The following PRKN variants were observed in gnomAD, a reference collection of about 807,000 sequenced individuals.
The protein encoded by PRKN is parkin RBR E3 ubiquitin protein ligase.
In PRKN, 56 loss-of-function variants were observed where a neutral mutation model predicts 59.5. The ratio of observed to expected loss-of-function variants is 0.94; its 90% CI spans 0.76 to 1.18. The LOEUF is 1.18. Ranked by LOEUF, PRKN falls within the 50% of genes most tolerant of loss-of-function variation. The pLI, the probability that PRKN is intolerant of heterozygous loss-of-function variation, is 0.00. For missense variants in PRKN, 657 were observed against 596.4 expected (o/e 1.10, Z -1.06); for synonymous variants, 250 against 222.1 (o/e 1.13, Z -1.12).
chr6:161,833,290 C>G (rs1269473511), intron 6 of PRKN, among the ~76,000 whole-genome samples: 1 of 152,184 alleles, frequency 6.6e-6, no homozygotes, highest in African/African-American at 2.4e-5. Context: ...GACTTCTCGT[C>G]ACTGAAGTGC....
At chr6:162,041,299 C>T (rs763641359) in intron 5 of PRKN, among the ~76,000 whole-genome samples, 23 of 152,128 alleles carry the variant, frequency 1.5e-4, no homozygotes, top group Non-Finnish European at 2.5e-4. Context: ...CTCATGAGTT[C>T]GTCTCTTTAA....
intron 4 of PRKN, among the ~76,000 whole-genome samples, chr6:162,173,976 GCTGA>G (rs1783411828): frequency 6.6e-6 from 1 of 152,166 alleles, no homozygotes; most frequent in Non-Finnish European, 1.5e-5. Context: ...ATAGATCTGT[GCTGA>G]CATGTCAGTT....
intron 5 of PRKN, among the ~76,000 whole-genome samples, chr6:161,994,916 T>C (rs1359204046): frequency 7.0e-6 from 1 of 142,142 alleles, no homozygotes; most frequent in Non-Finnish European, 1.6e-5. Context: ...TCATTCTTCA[T>C]AGAAATAGAA....
chr6:162,391,673 A>G (rs766167760), intron 2 of PRKN, among the ~76,000 whole-genome samples: 6 of 152,120 alleles, frequency 3.9e-5, no homozygotes, highest in Non-Finnish European at 8.8e-5. Flanking sequence ...ATCTGCAATG[A>G]CTTCATCTTG....
At chr6:161,999,944 C>T (rs1224606093) in intron 5 of PRKN, among the ~76,000 whole-genome samples, 3 of 152,012 alleles carry the variant, frequency 2.0e-5, no homozygotes, top group Non-Finnish European at 4.4e-5. Context: ...TAACAAGATG[C>T]TTATATTAAT....
chr6:161,924,974 C>T (rs1421683943), intron 6 of PRKN, among the ~76,000 whole-genome samples: 1 of 152,174 alleles, frequency 6.6e-6, no homozygotes, highest in African/African-American at 2.4e-5. Context: ...GCCCAGAATT[C>T]ACCTGGCATC....
At chr6:161,837,076 G>A (rs1792787457) in intron 6 of PRKN, among the ~76,000 whole-genome samples, 1 of 152,182 alleles carries the variant, frequency 6.6e-6, no homozygotes, top group Admixed American at 6.5e-5. Context: ...AAAAGAGGCA[G>A]CATGGTGCTG....
rs550680677 is a variant in PRKN, at chr6:162,475,315, A to T, written c.8-31842T>A. The stretch of plus-strand genomic sequence containing the variant: ...TATAAGGACATCTAAGAATTATTCA[A>T]CGTCAAGTGTTGTGGGCCAAAAGCC... On this transcript the variant is annotated intron_variant, in intron 1 of 11. Coordinates refer to ENST00000366898, the MANE Select transcript of PRKN (RefSeq NM_004562.3). Among the ~76,000 whole-genome samples, 112 of 152,326 alleles carry T rather than the reference A, an allele frequency of 7.4e-4. 1 individual carries two copies. Among genetic ancestry groups the T allele is most frequent in the African/African-American group, 2.6e-3 (110 of 41,582 alleles).
At chr6:161,780,739 G>A (rs1790169202) in intron 7 of PRKN, among the ~76,000 whole-genome samples, 1 of 152,102 alleles carries the variant, frequency 6.6e-6, no homozygotes, top group South Asian at 2.1e-4. Flanking sequence ...TAGGCTCCGA[G>A]ACAGAAGCTA....
rs371115367 is a variant in PRKN at position 162,409,331 on chromosome 6, AT to A, written c.171+33978del. 7.6e-3 allele frequency among the ~76,000 whole-genome samples: 1,140 copies of A among 149,938 alleles called. 18 individuals carry two copies. The highest frequency in any genetic ancestry group is 0.026 in the East Asian group (129 of 5,046). On this transcript the variant is annotated intron_variant, in intron 2 of 11. Coordinates refer to ENST00000366898, the MANE Select transcript of PRKN (RefSeq NM_004562.3). Reference sequence around the variant, plus strand: ...AGGTGTGCTCTACCATGCCTGCCATATTTTTTTTTGAGAGGGGGTCTCACTA... The same window carrying A: ...AGGTGTGCTCTACCATGCCTGCCATATTTTTTTTGAGAGGGGGTCTCACTA...
chr6:161,914,327 C>G (rs966010550), intron 6 of PRKN, among the ~76,000 whole-genome samples: 18 of 151,954 alleles, frequency 1.2e-4, no homozygotes, highest in African/African-American at 4.1e-4. Context: ...TATTTGTGAC[C>G]TTTTATGAAA....
chr6:162,084,307 G>T (rs888020508), intron 4 of PRKN, among the ~76,000 whole-genome samples: 1 of 152,012 alleles, frequency 6.6e-6, no homozygotes, highest in Non-Finnish European at 1.5e-5. Flanking sequence ...TAACATTTGC[G>T]ACCTACATCC....
At chr6:162,299,767 C>A (rs1241017408) in intron 2 of PRKN, among the ~76,000 whole-genome samples, 2 of 152,018 alleles carry the variant, frequency 1.3e-5, no homozygotes, top group Admixed American at 1.3e-4. Context: ...ATTCTTCCTA[C>A]CTACCACACT....
rs886526385 is a variant in PRKN at position 161,376,886 on chromosome 6, G to A, written c.1167+9908C>T. 6.6e-6 allele frequency among the ~76,000 whole-genome samples: 1 copy of A among 152,232 alleles called. No individual in the cohort carries two copies. Among genetic ancestry groups the A allele is most frequent in the African/African-American group, 2.4e-5 (1 of 41,458 alleles). ...GAACCTATAACCTGTGGCACTTGGT[G>A]CCTGGATAGTCCTAGGAAGCAAACT... On this transcript the variant is annotated intron_variant, in intron 10 of 11. Coordinates refer to ENST00000366898, the MANE Select transcript of PRKN (RefSeq NM_004562.3). This position sits in a 1 kb window ranked among gnomAD's most constrained non-coding sequence, Gnocchi z 7.3.
intron 3 of PRKN, among the ~76,000 whole-genome samples, chr6:162,248,132 T>C (rs891817264): frequency 2.0e-5 from 3 of 152,162 alleles, no homozygotes; most frequent in Admixed American, 2.0e-4. Flanking sequence ...ACAGAAGAGC[T>C]ATGGAATGAG....
chr6:161,850,452 T>C (rs1054098727), intron 6 of PRKN, among the ~76,000 whole-genome samples: 3 of 151,792 alleles, frequency 2.0e-5, no homozygotes, highest in Non-Finnish European at 4.4e-5. Context: ...GTGGCGCGGC[T>C]GTAGTCCCGG....
At chr6:162,674,557 C>G (rs534827335) in intron 1 of PRKN, among the ~76,000 whole-genome samples, 57 of 152,266 alleles carry the variant, frequency 3.7e-4, no homozygotes, top group African/African-American at 1.3e-3. Context: ...TGGTTGAACA[C>G]TGTGTGATAG....
intron 1 of PRKN, among the ~76,000 whole-genome samples, chr6:162,636,868 G>A (rs1327585881): frequency 6.6e-6 from 1 of 152,044 alleles, no homozygotes. Flanking sequence ...GCCGAAGTGG[G>A]AGGGCTGCTT....
chr6:162,068,839 CG>C (rs1253163946), intron 4 of PRKN, among the ~76,000 whole-genome samples: 3 of 20,828 alleles, frequency 1.4e-4, no homozygotes, highest in African/African-American at 5.9e-4. Context: ...GTCACTGGGC[CG>C]GGGGGGTGGG....
Sources: allele counts gnomAD v4.1 joint callset (sites outside exome capture counted in the v4.1 genomes callset), GRCh38; gene constraint gnomAD v4.1.1; non-coding constraint Gnocchi (gnomAD v3.1); transcripts MANE v1.5; gene names NCBI Gene and HGNC (gene_info 2026-07-23, HGNC 2026-07-21).